Variants in WNT2 observed in about 807,000 individuals in gnomAD.
WNT2 encodes protein Wnt-2.
A neutral mutation model predicts 36.9 loss-of-function variants in WNT2; 12 were observed. That is an observed-to-expected ratio of 0.33 (90% confidence interval 0.21 to 0.53). The LOEUF (loss-of-function observed/expected upper bound fraction) is 0.53. WNT2 is among the 20% of genes least tolerant of loss of function. The pLI, the probability that WNT2 is intolerant of heterozygous loss-of-function variation, is 0.95. For missense variants in WNT2, 379 were observed against 473.1 expected (o/e 0.80, Z 1.84); for synonymous variants, 163 against 174.6 (o/e 0.93, Z 0.52).
intron 3 of WNT2, 138 bp from the exon 4 acceptor site, chr7:117,298,014 A>G: frequency 8.1e-7 from 1 of 1,239,842 alleles, no homozygotes; most frequent in Middle Eastern, 2.7e-4. Flanking sequence ...ATGTTGAAGC[A>G]TTGCTTGTCA....
intron 3 of WNT2, chr7:117,301,063 T>G (rs1330520303): frequency 6.6e-6 from 1 of 152,184 alleles, no homozygotes; most frequent in East Asian, 1.9e-4. Flanking sequence ...TTTAGTGCCT[T>G]TGGGATCTGT....
rs1794351461 is a variant in WNT2 at position 117,275,895 on chromosome 7, G to A, written c.*2260C>T. Reference sequence around the variant, plus strand: ...TGTAGGTTCCTACGTGGATATCCTTGTCCCCTTGCTACTTACCAGGAGGGA... The same window carrying A: ...TGTAGGTTCCTACGTGGATATCCTTATCCCCTTGCTACTTACCAGGAGGGA... On this transcript the variant is annotated 3_prime_UTR_variant, in exon 5 of 5. Transcript: ENST00000265441. 6.6e-6 allele frequency among the ~76,000 whole-genome samples: 1 copy of A among 152,160 alleles called. No homozygotes were observed. Among genetic ancestry groups the A allele is most frequent in the Admixed American group, 6.5e-5 (1 of 15,268 alleles).
chr7:117,285,038 C>T (rs1330687153), intron 4 of WNT2, among the ~76,000 whole-genome samples: 1 of 152,206 alleles, frequency 6.6e-6, no homozygotes, highest in Non-Finnish European at 1.5e-5. Flanking sequence ...CATTATGTGA[C>T]CAGTGCAGCA....
At chr7:117,279,533 G>A (rs1324794787) in intron 4 of WNT2, among the ~76,000 whole-genome samples, 1 of 152,194 alleles carries the variant, frequency 6.6e-6, no homozygotes, top group Non-Finnish European at 1.5e-5. Context: ...CCATGGTGAG[G>A]TCTGTGGACT....
chr7:117,290,494 C>T (rs1794669091), intron 4 of WNT2, among the ~76,000 whole-genome samples: 1 of 152,144 alleles, frequency 6.6e-6, no homozygotes, highest in Non-Finnish European at 1.5e-5. Context: ...GACTTATAAG[C>T]CTCAGTGAAA....
At chr7:117,300,299 G>T (rs1247079600) in intron 3 of WNT2, among the ~76,000 whole-genome samples, 1 of 152,152 alleles carries the variant, frequency 6.6e-6, no homozygotes, top group East Asian at 1.9e-4. Flanking sequence ...CGATTCTACT[G>T]CCTCAGCCTC....
At chr7:117,281,375 C>T (rs1318494080) in intron 4 of WNT2, among the ~76,000 whole-genome samples, 14 of 152,048 alleles carry the variant, frequency 9.2e-5, no homozygotes, top group Non-Finnish European at 1.8e-4. Flanking sequence ...GTGGCTGGGA[C>T]TACAGGCACA....
At chr7:117,318,684 T>C (rs1372411090) in intron 2 of WNT2, among the ~76,000 whole-genome samples, 1 of 152,172 alleles carries the variant, frequency 6.6e-6, no homozygotes, top group Non-Finnish European at 1.5e-5. Flanking sequence ...ATTAAGGGCA[T>C]GTACCACCAC....
chr7:117,291,989 C>T (rs1265692501), intron 4 of WNT2, among the ~76,000 whole-genome samples: 1 of 151,982 alleles, frequency 6.6e-6, no homozygotes, highest in Admixed American at 6.5e-5. Context: ...GTTGGTCAGG[C>T]TGGTCTCGAA....
Position 117,322,070 on chromosome 7 carries a change from T to TA in WNT2, c.83+836dup, listed in dbSNP as rs1795340368. On this transcript the variant is annotated intron_variant, in intron 1 of 4. Coordinates refer to ENST00000265441, the MANE Select transcript of WNT2 (RefSeq NM_003391.3). This position sits in a 1 kb window ranked among gnomAD's most constrained non-coding sequence, Gnocchi z 5.4. The stretch of plus-strand genomic sequence containing the variant: ...CTGAAACTTTTAGGTGCAAGGAAAT[T>TA]ACAGGGCTATCAACTCTATCTCTTT... 6.6e-6 allele frequency: 1 copy of TA among 152,154 alleles called. No individual in the cohort carries two copies. The highest frequency in any genetic ancestry group is 1.5e-5 in the Non-Finnish European group (1 of 68,022). 9.4% of individuals were successfully genotyped at this position (152,154 alleles called of 1,614,324 possible). A position where few individuals can be genotyped will look rare whatever the true frequency, so the allele number is the denominator to read the frequency against.
intron 3 of WNT2, among the ~76,000 whole-genome samples, chr7:117,301,493 A>G (rs1379475832): frequency 1.3e-5 from 2 of 152,214 alleles, no homozygotes; most frequent in East Asian, 1.9e-4. Context: ...TGATAACAAT[A>G]ACAACCATGT....
chr7:117,279,675 G>A (rs902723854), intron 4 of WNT2, among the ~76,000 whole-genome samples: 1 of 152,134 alleles, frequency 6.6e-6, no homozygotes, highest in East Asian at 1.9e-4. Context: ...AGGCCTGACT[G>A]CATTCGAACG....
intron 4 of WNT2, among the ~76,000 whole-genome samples, chr7:117,282,664 C>T (rs1247636473): frequency 1.3e-5 from 2 of 152,020 alleles, no homozygotes; most frequent in African/African-American, 4.8e-5. Context: ...GGAAGCTGCA[C>T]TGGGAATGGT....
rs1465831219 is a variant in WNT2 at position 117,275,777 on chromosome 7, T to C, written c.*2378A>G. On this transcript the variant is annotated 3_prime_UTR_variant, in exon 5 of 5. Coordinates refer to ENST00000265441, the MANE Select transcript of WNT2 (RefSeq NM_003391.3). ...TTTCAGAAGTAAAAGCCGATAGCAA[T>C]ATTTCATTCTCTTATTTTTCCCACC... Among the ~76,000 whole-genome samples, 1 of 152,198 alleles carries C rather than the reference T, an allele frequency of 6.6e-6. No individual in the cohort carries two copies. The highest frequency in any genetic ancestry group is 6.5e-5 in the Admixed American group (1 of 15,286).
chr7:117,319,501 C>T (rs968558852), intron 2 of WNT2, among the ~76,000 whole-genome samples: 4 of 135,118 alleles, frequency 3.0e-5, no homozygotes, highest in Non-Finnish European at 6.1e-5. Flanking sequence ...AGTGCACAGT[C>T]TGGATGATTT....
At chr7:117,299,813 GTA>G (rs1259654098) in intron 3 of WNT2, among the ~76,000 whole-genome samples, 2 of 151,980 alleles carry the variant, frequency 1.3e-5, no homozygotes, top group Non-Finnish European at 2.9e-5. Flanking sequence ...TCCCTTTCTA[GTA>G]TTGAATTTCC....
intron 1 of WNT2, 60 bp from the exon 2 acceptor site, chr7:117,320,853 T>A: frequency 6.9e-7 from 1 of 1,457,178 alleles, no homozygotes; most frequent in Non-Finnish European, 9.4e-7. Flanking sequence ...CCTGGCTCAG[T>A]GTTCCTGGGA....
chr7:117,295,165 G>A (rs181259277), intron 4 of WNT2, among the ~76,000 whole-genome samples: 2 of 152,212 alleles, frequency 1.3e-5, no homozygotes, highest in East Asian at 1.9e-4. Context: ...GAGATGAGAC[G>A]AGACAGCCAG....
At position 117,279,498 on chromosome 7, in the gene WNT2, C is replaced by T. The variant is rs1025397351; in HGVS notation, c.854-1114G>A. ...TTGACACAGATGATCACTATTGCCACTTAGTTGCTGTTGGCAGCTGTACAC... is the reference window on the plus strand; with the variant it reads ...TTGACACAGATGATCACTATTGCCATTTAGTTGCTGTTGGCAGCTGTACAC... On this transcript the variant is annotated intron_variant, in intron 4 of 4. Coordinates refer to ENST00000265441, the MANE Select transcript of WNT2 (RefSeq NM_003391.3). 3.3e-5 allele frequency among the ~76,000 whole-genome samples: 5 copies of T among 152,186 alleles called. No individual in the cohort carries two copies. In the East Asian group the frequency reaches 5.8e-4, roughly 18 times the overall value.
Sources: gnomAD v4.1 joint callset for allele counts (sites outside exome capture counted in the v4.1 genomes callset) on GRCh38, gnomAD v4.1.1 for gene constraint, Gnocchi (gnomAD v3.1) non-coding constraint, MANE v1.5 for transcripts, NCBI Gene and HGNC (gene_info 2026-07-23, HGNC 2026-07-21) for gene names.